RMDN1: variants seen among roughly 807,000 people sequenced by gnomAD.
The protein encoded by RMDN1 is regulator of microtubule dynamics protein 1.
In RMDN1, 48 loss-of-function variants were observed where a neutral mutation model predicts 48.9. The ratio of observed to expected loss-of-function variants is 0.98; its 90% CI spans 0.78 to 1.25. The LOEUF (loss-of-function observed/expected upper bound fraction) is 1.25. RMDN1 is among the 50% of genes most tolerant of loss of function. RMDN1 has a pLI of 0.00. For synonymous variants in RMDN1, 148 were observed against 132.6 expected, an observed-to-expected ratio of 1.12 and a Z score of -0.80; for missense variants, 418 against 373.4, an observed-to-expected ratio of 1.12 and a Z score of -0.98.
At chr8:86,506,963 C>A in intron 2 of RMDN1, 32 bp downstream of exon 2, 1 of 1,189,168 alleles carries the variant, frequency 8.4e-7, no homozygotes, top group South Asian at 1.3e-5. Flanking sequence ...CAAAAAAACT[C>A]TAAATGTTCC....
chr8:86,483,424 G>GT (rs1412617523), intron 5 of RMDN1, among the ~76,000 whole-genome samples: 1 of 152,094 alleles, frequency 6.6e-6, no homozygotes, highest in African/African-American at 2.4e-5. Context: ...GAAAATTACT[G>GT]TATTTCCCTG....
At chr8:86,490,101 C>A (rs905626163) in intron 2 of RMDN1, among the ~76,000 whole-genome samples, 1 of 151,930 alleles carries the variant, frequency 6.6e-6, no homozygotes, top group South Asian at 2.1e-4. Flanking sequence ...TTTGCTTCCA[C>A]TCTATTCTAT....
At chr8:86,510,041 G>GA (rs556884811), upstream of RMDN1, among the ~76,000 whole-genome samples, 11 of 150,620 alleles carry the variant, frequency 7.3e-5, no homozygotes, top group Non-Finnish European at 4.4e-5. Context: ...TTTTAGCTTT[G>GA]AAAAAAAAAT....
chr8:86,508,684 A>C lies in RMDN1; in HGVS notation c.-64T>G. ...CAGCTACGGAGGCGGGCGGGGCTAA[A>C]GGAGATTCAATCCTTCCGGAAAGAA... is the stretch of plus-strand genomic sequence containing the variant. On this transcript the variant is annotated 5_prime_UTR_variant, in exon 1 of 10. Transcript: ENST00000406452. The C allele has an allele frequency of 6.8e-7, 1 of 1,463,800 alleles. No homozygotes were observed. Among genetic ancestry groups the C allele is most frequent in the Non-Finnish European group, 9.0e-7 (1 of 1,113,952 alleles). The allele number at this position is 1,463,800 out of a possible 1,614,324, so 90.7% of individuals were successfully genotyped here. A position where few individuals can be genotyped will look rare whatever the true frequency, so the allele number is the denominator to read the frequency against.
intron 2 of RMDN1, among the ~76,000 whole-genome samples, chr8:86,505,932 TTTTTC>T (rs1400072186): frequency 7.9e-5 from 12 of 152,340 alleles, no homozygotes; most frequent in African/African-American, 1.7e-4. Flanking sequence ...CTTTGGAACT[TTTTTC>T]TTTTAATAGT....
Position 86,472,510 on chromosome 8 carries a change from C to A in RMDN1, c.*1798G>T. On this transcript the variant is annotated 3_prime_UTR_variant, in exon 10 of 10. Transcript: ENST00000406452. Reference sequence around the variant, plus strand: ...AAAATAAAATTACAGTATACAATAACCTTTTAAAATACAGCATCATTAAGT... The same window carrying A: ...AAAATAAAATTACAGTATACAATAAACTTTTAAAATACAGCATCATTAAGT... 1 of 700,942 alleles carries A rather than the reference C, an allele frequency of 1.4e-6. No individual in the cohort carries two copies. The highest frequency in any genetic ancestry group is 2.6e-6 in the Non-Finnish European group (1 of 384,698). 43.4% of individuals were successfully genotyped at this position (700,942 alleles called of 1,614,324 possible).
intron 2 of RMDN1, among the ~76,000 whole-genome samples, chr8:86,500,993 C>T (rs1438934512): frequency 6.6e-6 from 1 of 152,130 alleles, no homozygotes; most frequent in Non-Finnish European, 1.5e-5. Flanking sequence ...GGGCACTAAA[C>T]ACTGAGTACA....
upstream of RMDN1, among the ~76,000 whole-genome samples, chr8:86,511,160 T>C (rs960541163): frequency 2.7e-5 from 4 of 149,066 alleles, no homozygotes; most frequent in Non-Finnish European, 4.4e-5. Flanking sequence ...TGAGACACCG[T>C]CTTTAAAAAA....
At chr8:86,507,309 G>A (rs1265303890) in intron 1 of RMDN1, among the ~76,000 whole-genome samples, 197 bp from the exon 2 acceptor site, 2 of 152,108 alleles carry the variant, frequency 1.3e-5, no homozygotes, top group Non-Finnish European at 2.9e-5. Context: ...ATCCCCTGGA[G>A]TCGCCGCTCA....
At chr8:86,505,832 A>T (rs1231534678) in intron 2 of RMDN1, among the ~76,000 whole-genome samples, 2 of 151,854 alleles carry the variant, frequency 1.3e-5, no homozygotes, top group Non-Finnish European at 2.9e-5. Flanking sequence ...TGAAGTCTGC[A>T]CATTACCTCT....
intron 6 of RMDN1, among the ~76,000 whole-genome samples, chr8:86,479,951 G>A (rs954920487): frequency 8.5e-5 from 13 of 152,078 alleles, no homozygotes; most frequent in Non-Finnish European, 1.9e-4. Flanking sequence ...ACACTTTGAA[G>A]ATACAAAGAC....
intron 7 of RMDN1, chr8:86,478,220 T>C (rs994796409): frequency 2.6e-5 from 4 of 152,198 alleles, no homozygotes; most frequent in Admixed American, 2.6e-4. Context: ...TTATAAAATA[T>C]TGGTGCATTA....
chr8:86,510,137 C>T (rs1157154641), upstream of RMDN1, among the ~76,000 whole-genome samples: 2 of 152,070 alleles, frequency 1.3e-5, no homozygotes, highest in African/African-American at 4.8e-5. Flanking sequence ...TTTGCTTTAT[C>T]TTTCTTTACA....
chr8:86,499,517 AC>A (rs1183712903), intron 2 of RMDN1, among the ~76,000 whole-genome samples: 1 of 151,930 alleles, frequency 6.6e-6, no homozygotes, highest in African/African-American at 2.4e-5. Flanking sequence ...ATGTTTTACC[AC>A]AATGAAAAGG....
chr8:86,481,564 T>C (rs1264904266), intron 5 of RMDN1, among the ~76,000 whole-genome samples: 3 of 76,256 alleles, frequency 3.9e-5, no homozygotes, highest in Admixed American at 4.3e-4. Flanking sequence ...ATTTTCCTTT[T>C]TTTTTTTTTT....
upstream of RMDN1, among the ~76,000 whole-genome samples, chr8:86,512,331 A>C (rs1820085990): frequency 6.6e-6 from 1 of 152,230 alleles, no homozygotes; most frequent in African/African-American, 2.4e-5. Context: ...TAGAATCAAA[A>C]ATAGAGCCAG....
intron 2 of RMDN1, among the ~76,000 whole-genome samples, chr8:86,498,341 C>T (rs1454209992): frequency 6.6e-6 from 1 of 151,842 alleles, no homozygotes. Context: ...CAAGTAAGGG[C>T]TGGTACCAAT....
chr8:86,470,917 G>GA (rs1419284906), downstream of RMDN1, among the ~76,000 whole-genome samples: 1 of 152,132 alleles, frequency 6.6e-6, no homozygotes, highest in Non-Finnish European at 1.5e-5. Context: ...CAGCACTGGG[G>GA]ATCTTTGTGA....
Position 86,508,508 on chromosome 8 carries a change from C to A in RMDN1, c.113G>T (p.Arg38Leu), listed in dbSNP as rs1586806960. The change falls in exon 1 of 10, where the codon CGA (arginine) becomes CTA (leucine). Residue 38 changes from arginine (R) to leucine (L), a missense_variant. By Grantham distance (102) the Arg-to-Leu change is moderately radical (BLOSUM62 -2). Coordinates refer to ENST00000406452, the MANE Select transcript of RMDN1 (RefSeq NM_016033.3). ...CGGGGGTACCTCGAAGCCGCGGAAT[C>A]GACAGGGGCCGCAATGCCCGCGGCT... ...SGSRGHCGPC[R>L]FRGFEVMGNP... The A allele has an allele frequency of 3.9e-6, 6 of 1,556,886 alleles. No homozygotes were observed. The highest frequency in any genetic ancestry group is 5.2e-6 in the Non-Finnish European group (6 of 1,152,382).
Sources: gnomAD v4.1 joint callset for allele counts (sites outside exome capture counted in the v4.1 genomes callset) on GRCh38, gnomAD v4.1.1 for gene constraint, MANE v1.5 for transcripts, NCBI Gene and HGNC (gene_info 2026-07-23, HGNC 2026-07-21) for gene names.